Variants in GNA11 observed in about 807,000 individuals in gnomAD.
GNA11 encodes G protein subunit alpha 11.
A neutral mutation model predicts 38.2 loss-of-function variants in GNA11; 8 were observed. The ratio of observed to expected loss-of-function variants is 0.21; its 90% CI spans 0.12 to 0.38. The LOEUF (loss-of-function observed/expected upper bound fraction) is 0.38. Among genes scored for constraint, GNA11 ranks in the 10% least tolerant of loss-of-function variants. The probability of loss-of-function intolerance (pLI) is 1.00; values close to 1 mark genes in which losing one functional copy is unlikely to be tolerated. For missense variants in GNA11, 268 were observed against 516.3 expected, an observed-to-expected ratio of 0.52 and a Z score of 4.66; for synonymous variants, 211 against 221.4, an observed-to-expected ratio of 0.95 and a Z score of 0.42.
chr19:3,116,444 C>T (rs924907763), intron 4 of GNA11, among the ~76,000 whole-genome samples: 5 of 151,302 alleles, frequency 3.3e-5, no homozygotes, highest in African/African-American at 9.7e-5. Context: ...CTCCTAGTGG[C>T]GGCCGCATCC....
intron 1 of GNA11, among the ~76,000 whole-genome samples, chr19:3,099,766 C>T (rs78777029): frequency 0.018 from 2,769 of 152,274 alleles, 81 homozygotes; most frequent in African/African-American, 0.064. Flanking sequence ...CCTGGCCTCC[C>T]GCAGTCTGCC....
chr19:3,104,297 G>T (rs1035541268), intron 1 of GNA11, among the ~76,000 whole-genome samples: 1 of 152,272 alleles, frequency 6.6e-6, no homozygotes. Flanking sequence ...GTCCAGTCGG[G>T]AGGGTGGTTT....
chr19:3,103,746 T>C (rs201316767), intron 1 of GNA11, among the ~76,000 whole-genome samples: 1 of 150,182 alleles, frequency 6.7e-6, no homozygotes, highest in Non-Finnish European at 1.5e-5. Context: ...CTCTGTCGCC[T>C]AGGCTGGAGT....
intron 1 of GNA11, among the ~76,000 whole-genome samples, chr19:3,104,760 T>C (rs1268308623): frequency 2.0e-5 from 3 of 152,122 alleles, no homozygotes; most frequent in East Asian, 1.9e-4. Context: ...CGAGGCAGGC[T>C]GCAGACGGGC....
rs890290970 is a variant in GNA11, at chr19:3,122,660, G to A, written c.*1481G>A. 6 of 233,422 alleles carry A rather than the reference G, an allele frequency of 2.6e-5. No individual in the cohort carries two copies. The highest frequency in any genetic ancestry group is 1.8e-4 in the South Asian group (1 of 5,538). 14.5% of individuals were successfully genotyped at this position (233,422 alleles called of 1,614,324 possible). On this transcript the variant is annotated 3_prime_UTR_variant, in exon 7 of 7. Coordinates refer to ENST00000078429, the MANE Select transcript of GNA11 (RefSeq NM_002067.5). The surrounding 1 kb of genome is among the most constrained non-coding windows in gnomAD (Gnocchi z 7.7). ...CGCACAGCTGTCCCAGGGATGGATC[G>A]CCTGTGCTGCCTTCGCCCGCCGCCA...
At chr19:3,098,883 C>T (rs555481311) in intron 1 of GNA11, among the ~76,000 whole-genome samples, 2 of 152,346 alleles carry the variant, frequency 1.3e-5, no homozygotes, top group South Asian at 4.1e-4. Context: ...CCTGCTCTCA[C>T]GTCCTTTGTG....
rs2145327322 is a variant in GNA11 at position 3,119,445 on chromosome 19, G to A, written c.889+86G>A. ...CTGATATGGGAGAGGGGCTCATACA[G>A]GCCGGGAGCTCTAAGGGAGGGCGTC... On this transcript the variant is annotated intron_variant, in intron 6 of 6. Coordinates refer to ENST00000078429, the MANE Select transcript of GNA11 (RefSeq NM_002067.5). This position sits in a 1 kb window ranked among gnomAD's most constrained non-coding sequence, Gnocchi z 4.6. 1.6e-6 allele frequency: 2 copies of A among 1,287,240 alleles called. No homozygotes were observed. The highest frequency in any genetic ancestry group is 2.4e-5 in the East Asian group (1 of 42,298). The allele number at this position is 1,287,240 out of a possible 1,614,324, so 79.7% of individuals were successfully genotyped here.
At chr19:3,102,149 C>T (rs1400296559) in intron 1 of GNA11, among the ~76,000 whole-genome samples, 2 of 151,890 alleles carry the variant, frequency 1.3e-5, no homozygotes, top group South Asian at 2.1e-4. Flanking sequence ...ACGTAGAAAA[C>T]ATGAGTGAGT....
chr19:3,109,553 G>A (rs538864608), intron 1 of GNA11, among the ~76,000 whole-genome samples: 2 of 152,332 alleles, frequency 1.3e-5, no homozygotes, highest in South Asian at 2.1e-4. Context: ...CAGGCACAAC[G>A]GTCCTGGCTG....
Position 3,094,918 on chromosome 19 carries a change from G to T in GNA11, c.136+131G>T. Reference sequence around the variant, plus strand: ...CGTCCGGGTCGCGAGACCCTCCGGGGTCAGCCCTGCCTGTGCCTTCCCTGC... The same window carrying T: ...CGTCCGGGTCGCGAGACCCTCCGGGTTCAGCCCTGCCTGTGCCTTCCCTGC... On this transcript the variant is annotated intron_variant, in intron 1 of 6. Coordinates refer to ENST00000078429, the MANE Select transcript of GNA11 (RefSeq NM_002067.5). This position sits in a 1 kb window ranked among gnomAD's most constrained non-coding sequence, Gnocchi z 6.0. 1.7e-6 allele frequency: 1 copy of T among 583,770 alleles called. No individual in the cohort carries two copies. Among genetic ancestry groups the T allele is most frequent in the Non-Finnish European group, 2.7e-6 (1 of 367,366 alleles). The allele number at this position is 583,770 out of a possible 1,614,324, so 36.2% of individuals were successfully genotyped here. A position where few individuals can be genotyped will look rare whatever the true frequency, so the allele number is the denominator to read the frequency against.
chr19:3,109,857 G>A (rs917118636), intron 1 of GNA11, among the ~76,000 whole-genome samples: 16 of 152,340 alleles, frequency 1.1e-4, no homozygotes, highest in Non-Finnish European at 2.1e-4. Context: ...AGACCGTGTG[G>A]TCTTTGACGT....
At chr19:3,097,424 C>T (rs1471256735) in intron 1 of GNA11, among the ~76,000 whole-genome samples, 1 of 152,190 alleles carries the variant, frequency 6.6e-6, no homozygotes, top group African/African-American at 2.4e-5. Flanking sequence ...GGGCCTGCCA[C>T]CACACCCCTG....
intron 4 of GNA11, among the ~76,000 whole-genome samples, chr19:3,115,715 AGGGGAGG>A (rs1290912827): frequency 7.6e-4 from 59 of 77,516 alleles, no homozygotes; most frequent in Non-Finnish European, 1.4e-3. Flanking sequence ...TGAGGCTGCC[AGGGGAGG>A]GGGCTCATGG....
intron 1 of GNA11, among the ~76,000 whole-genome samples, chr19:3,099,586 G>T (rs1488183606): frequency 2.6e-5 from 4 of 152,300 alleles, no homozygotes; most frequent in South Asian, 2.1e-4. Flanking sequence ...CACCTGGCAG[G>T]TCTTAGAATT....
chr19:3,113,209 C>T (rs1913819157), intron 2 of GNA11, 121 bp from the exon 3 acceptor site: 2 of 887,152 alleles, frequency 2.3e-6, no homozygotes, highest in African/African-American at 1.7e-5. Flanking sequence ...GTGGTCCTGA[C>T]TGCACAGCCT....
At chr19:3,116,346 C>G (rs1362673523) in intron 4 of GNA11, among the ~76,000 whole-genome samples, 1 of 152,184 alleles carries the variant, frequency 6.6e-6, no homozygotes, top group African/African-American at 2.4e-5. Context: ...TATTCCCGCC[C>G]AGTGCTGGAG....
rs140301317 is a variant in GNA11 at position 3,110,229 on chromosome 19, C to T, written c.217C>T (p.Arg73Cys). The T allele has an allele frequency of 3.1e-6, 5 of 1,613,774 alleles. No homozygotes were observed. Among genetic ancestry groups the T allele is most frequent in the East Asian group, 2.2e-5 (1 of 44,876 alleles). Residue 73 changes from arginine to cysteine, a missense_variant, in exon 2 of 7, where the codon CGC (arginine) becomes TGC (cysteine). By Grantham distance (180) the Arg-to-Cys change is radical. Around this residue, in one of 3 missense-constraint regions of GNA11, gnomAD observed 151 missense variants for 254.0 expected, o/e 0.59. Transcript: ENST00000078429. This position sits in a 1 kb window ranked among gnomAD's most constrained non-coding sequence, Gnocchi z 5.4. ...CGCCGGCTACTCGGAGGAGGACAAG[C>T]GCGGCTTCACCAAGCTCGTCTACCA... Reference protein sequence around the residue: ...HGAGYSEEDKRGFTKLVYQNI... With the variant: ...HGAGYSEEDKCGFTKLVYQNI...
At chr19:3,118,079 C>CCGCAG (rs1471175045) in intron 4 of GNA11, 1 of 152,270 alleles carries the variant, frequency 6.6e-6, no homozygotes, top group East Asian at 1.9e-4. Context: ...CTGGACTCCC[C>CCGCAG]CGCAGACCAG....
rs760710011 is a variant in GNA11, at chr19:3,110,277, G to A, written c.265G>A (p.Ala89Thr). The part of the protein sequence containing the change: ...VYQNIFTAMQ[A>T]MIRAMETLKI... ...CCAGAACATCTTCACCGCCATGCAG[G>A]CCATGATCCGGGCCATGGAGACGCT... Residue 89 changes from alanine (A) to threonine (T), a missense_variant, in exon 2 of 7, where the codon GCC (alanine) becomes ACC (threonine). Ala to Thr is a moderately conservative substitution (Grantham distance 58). Coordinates refer to ENST00000078429, the MANE Select transcript of GNA11 (RefSeq NM_002067.5). This position sits in a 1 kb window ranked among gnomAD's most constrained non-coding sequence, Gnocchi z 5.4. 6.2e-7 allele frequency: 1 copy of A among 1,614,048 alleles called. No individual in the cohort carries two copies. Among genetic ancestry groups the A allele is most frequent in the South Asian group, 1.1e-5 (1 of 91,090 alleles).
Sources: gnomAD v4.1 joint callset for allele counts (sites outside exome capture counted in the v4.1 genomes callset) on GRCh38, gnomAD v4.1.1 for gene constraint, gnomAD v4.1.1 regional missense constraint, Gnocchi (gnomAD v3.1) non-coding constraint, MANE v1.5 for transcripts, NCBI Gene and HGNC (gene_info 2026-07-23, HGNC 2026-07-21) for gene names.